Variants in ZNF583 observed in about 807,000 individuals in gnomAD.
The protein encoded by ZNF583 is zinc finger protein L3-5.
A neutral mutation model predicts 55.3 loss-of-function variants in ZNF583; 30 were observed. That is an observed-to-expected ratio of 0.54 (90% CI 0.41 to 0.74). The LOEUF (loss-of-function observed/expected upper bound fraction) is 0.74. Ranked by LOEUF, ZNF583 falls within the 30% of genes least tolerant of loss-of-function variation. ZNF583 has a pLI of 0.00. For synonymous variants in ZNF583, 208 were observed against 220.0 expected (o/e 0.95, Z 0.48); for missense variants, 504 against 664.7 (o/e 0.76, Z 2.66).
intron 4 of ZNF583, among the ~76,000 whole-genome samples, chr19:56,419,388 G>A (rs62121586): frequency 0.059 from 8,952 of 151,982 alleles, 397 homozygotes; most frequent in Non-Finnish European, 0.088. Context: ...GTAGAGATGG[G>A]GTTTCATGAT....
chr19:56,411,534 G>T (rs1384818484), intron 2 of ZNF583, among the ~76,000 whole-genome samples: 1 of 152,174 alleles, frequency 6.6e-6, no homozygotes, highest in African/African-American at 2.4e-5. Context: ...TGTAGCAAAA[G>T]CTGCTTCGCT....
chr19:56,418,675 G>A (rs374215677), intron 4 of ZNF583, among the ~76,000 whole-genome samples: 1 of 152,012 alleles, frequency 6.6e-6, no homozygotes, highest in Admixed American at 6.6e-5. Context: ...AGGTCCATGA[G>A]GATTTTTTGG....
Position 56,423,066 on chromosome 19 carries a change from G to C in ZNF583, c.408G>C (p.Glu136Asp), listed in dbSNP as rs2147612922. 1 of 1,613,676 alleles carries C rather than the reference G, an allele frequency of 6.2e-7. No homozygotes were observed. Among genetic ancestry groups the C allele is most frequent in the Non-Finnish European group, 8.5e-7 (1 of 1,179,866 alleles). The part of the protein sequence containing the change: ...DWYKNQLGSQ[E>D]VHLSQLIITH... The stretch of plus-strand genomic sequence containing the variant: ...ATAAGAACCAGCTGGGAAGTCAAGA[G>C]GTACATCTTAGTCAATTAATCATCA... The change falls in exon 5 of 5, where the codon GAG (glutamate) becomes GAC (aspartate). Residue 136 changes from glutamate to aspartate, a missense_variant. This residue lies in a region of ZNF583 where 204 missense variants were observed against 235.2 expected (regional missense o/e 0.87). Transcript: ENST00000333201.
At chr19:56,422,860 C>T in intron 4 of ZNF583, 31 bp from the exon 5 acceptor site, 1 of 1,504,908 alleles carries the variant, frequency 6.6e-7, no homozygotes, top group Non-Finnish European at 8.9e-7. Context: ...GAATTAAATA[C>T]AAAAGTCATT....
At chr19:56,418,948 T>G (rs778942241) in intron 4 of ZNF583, among the ~76,000 whole-genome samples, 1 of 152,172 alleles carries the variant, frequency 6.6e-6, no homozygotes, top group Non-Finnish European at 1.5e-5. Flanking sequence ...TGCTGATAAT[T>G]TTTATAATAA....
intron 4 of ZNF583, among the ~76,000 whole-genome samples, chr19:56,419,606 A>G (rs777969788): frequency 1.3e-5 from 2 of 152,216 alleles, no homozygotes; most frequent in African/African-American, 2.4e-5. Context: ...GACAGTTTGA[A>G]TAAAATGGTA....
At chr19:56,418,415 A>G (rs2042362033) in intron 4 of ZNF583, among the ~76,000 whole-genome samples, 1 of 152,208 alleles carries the variant, frequency 6.6e-6, no homozygotes, top group African/African-American at 2.4e-5. Context: ...TCTGAAAAAG[A>G]AAAAGGAAAA....
At position 56,413,994 on chromosome 19, in the gene ZNF583, C is replaced by T; in HGVS notation, c.45C>T (p.Phe15=). ...LVTFGDVAVN[F]SQEEWEWLNP... ...CATTTGGGGATGTGGCTGTAAATTT[C>T]TCTCAAGAGGAATGGGAATGGCTGA... The change falls in exon 3 of 5, where the codon TTC becomes TTT. Residue 15 remains phenylalanine (F), a synonymous_variant. Transcript: ENST00000333201. 6.2e-7 allele frequency: 1 copy of T among 1,614,036 alleles called. No individual in the cohort carries two copies. Among genetic ancestry groups the T allele is most frequent in the Non-Finnish European group, 8.5e-7 (1 of 1,179,962 alleles).
At chr19:56,404,103 AACGGGTG>A (rs2042106113), upstream of ZNF583, 2 of 150,712 alleles carry the variant, frequency 1.3e-5, no homozygotes, top group African/African-American at 4.9e-5. This position sits in a 1 kb window ranked among gnomAD's most constrained non-coding sequence, Gnocchi z 5.2. Flanking sequence ...GAACGGGTGG[AACGGGTG>A]GGGGAGCGGA....
intron 2 of ZNF583, among the ~76,000 whole-genome samples, chr19:56,410,719 C>T (rs2042225562): frequency 6.6e-6 from 1 of 151,432 alleles, no homozygotes; most frequent in Admixed American, 6.6e-5. Context: ...CAAACAGCAA[C>T]AACAACAAAA....
chr19:56,416,888 T>A, intron 4 of ZNF583, among the ~76,000 whole-genome samples: 1 of 152,112 alleles, frequency 6.6e-6, no homozygotes, highest in Non-Finnish European at 1.5e-5. Context: ...ATTGCGTGTG[T>A]CTCTTTCCAT....
intron 2 of ZNF583, among the ~76,000 whole-genome samples, chr19:56,408,150 G>A (rs912814936): frequency 6.6e-6 from 1 of 151,880 alleles, no homozygotes; most frequent in Non-Finnish European, 1.5e-5. Context: ...TATTCATCTA[G>A]TAAAAAAAAT....
chr19:56,406,965 C>A, intron 1 of ZNF583, 61 bp from the exon 2 acceptor site: 1 of 735,348 alleles, frequency 1.4e-6, no homozygotes, highest in Non-Finnish European at 2.2e-6. Flanking sequence ...GGTTTCTAGG[C>A]TGATGATACT....
chr19:56,406,787 A>T (rs535268276), intron 1 of ZNF583, among the ~76,000 whole-genome samples: 1 of 152,126 alleles, frequency 6.6e-6, no homozygotes, highest in African/African-American at 2.4e-5. Flanking sequence ...TCGGCCTCCC[A>T]AAGTGCTGGG....
rs1336363652 is a variant in ZNF583 at position 56,406,718 on chromosome 19, G to A, written c.-89-308G>A. ...ATTTTGTGTATTTTTTAGTAGAGAC[G>A]GGGTTTCCCCGTGTTAGCCAGGATG... On this transcript the variant is annotated intron_variant, in intron 1 of 4. Transcript: ENST00000333201. Among the ~76,000 whole-genome samples, 9 of 151,950 alleles carry A rather than the reference G, an allele frequency of 5.9e-5. 1 individual carries two copies. Among genetic ancestry groups the A allele is most frequent in the Non-Finnish European group, 1.0e-4 (7 of 67,986 alleles).
intron 4 of ZNF583, among the ~76,000 whole-genome samples, chr19:56,417,613 G>C (rs934695235): frequency 6.6e-6 from 1 of 151,872 alleles, no homozygotes; most frequent in Middle Eastern, 3.2e-3. Context: ...ATTATGGCTT[G>C]CCTTTTTGTT....
At position 56,414,371 on chromosome 19, in the gene ZNF583, A is replaced by G; in HGVS notation, c.163A>G (p.Ile55Val). Residue 55 changes from isoleucine (I) to valine (V), a missense_variant, in exon 4 of 5, where the codon ATC (isoleucine) becomes GTC (valine). Coordinates refer to ENST00000333201, the MANE Select transcript of ZNF583 (RefSeq NM_152478.3). Reference sequence around the variant, plus strand: ...AGTTTCTGTTTCTAAGCCAGATGTGATCTCATTATTGGAGCAAGGAAAAGA... The same window carrying G: ...AGTTTCTGTTTCTAAGCCAGATGTGGTCTCATTATTGGAGCAAGGAAAAGA... ...LGVSVSKPDV[I>V]SLLEQGKEPW... 1.2e-6 allele frequency: 2 copies of G among 1,614,050 alleles called. No individual in the cohort carries two copies. Among genetic ancestry groups the G allele is most frequent in the Non-Finnish European group, 1.7e-6 (2 of 1,180,008 alleles).
intron 4 of ZNF583, among the ~76,000 whole-genome samples, chr19:56,416,676 C>T (rs1424341428): frequency 6.7e-6 from 1 of 149,736 alleles, no homozygotes; most frequent in Non-Finnish European, 1.5e-5. Flanking sequence ...AGATAATCTA[C>T]CTTAAACATT....
chr19:56,422,389 G>A (rs1218059346), intron 4 of ZNF583, among the ~76,000 whole-genome samples: 1 of 152,038 alleles, frequency 6.6e-6, no homozygotes. Context: ...ATGATTTTCT[G>A]GAAGACTTTT....
Sources: allele counts gnomAD v4.1 joint callset (sites outside exome capture counted in the v4.1 genomes callset), GRCh38; gene constraint gnomAD v4.1.1; regional missense constraint gnomAD v4.1.1; non-coding constraint Gnocchi (gnomAD v3.1); transcripts MANE v1.5; gene names NCBI Gene and HGNC (gene_info 2026-07-23, HGNC 2026-07-21).